Variants in ARHGAP20 observed in about 807,000 individuals in gnomAD.
The protein encoded by ARHGAP20 is rho GTPase-activating protein 20.
A neutral mutation model predicts 73.7 loss-of-function variants in ARHGAP20; 34 were observed. The ratio of observed to expected loss-of-function variants is 0.46; its 90% CI spans 0.35 to 0.61. The LOEUF is 0.61. ARHGAP20 is among the 20% of genes least tolerant of loss of function. The probability of loss-of-function intolerance (pLI) is 0.00; values close to 1 mark genes in which losing one functional copy is unlikely to be tolerated. For synonymous variants in ARHGAP20, 523 were observed against 518.2 expected, an observed-to-expected ratio of 1.01 and a Z score of -0.13; for missense variants, 1,314 against 1,420.9, an observed-to-expected ratio of 0.92 and a Z score of 1.21.
chr11:110,647,534 A>C (rs922152892), intron 2 of ARHGAP20, among the ~76,000 whole-genome samples: 1 of 152,156 alleles, frequency 6.6e-6, no homozygotes, highest in Admixed American at 6.6e-5. Context: ...CAATTCTGGT[A>C]GGCATCCATG....
chr11:110,658,793 C>T (rs867692662), intron 2 of ARHGAP20, among the ~76,000 whole-genome samples: 2 of 108,840 alleles, frequency 1.8e-5, no homozygotes, highest in South Asian at 6.6e-4. Flanking sequence ...GTTTTGTTTT[C>T]ATGTCTTCGG....
At chr11:110,600,860 C>A (rs993624221) in intron 9 of ARHGAP20, among the ~76,000 whole-genome samples, 1 of 152,156 alleles carries the variant, frequency 6.6e-6, no homozygotes, top group Non-Finnish European at 1.5e-5. Flanking sequence ...CAGAGGGGGC[C>A]TTCTGAAAGA....
At chr11:110,585,529 A>G (rs12278067) in intron 12 of ARHGAP20, among the ~76,000 whole-genome samples, 71,502 of 152,008 alleles carry the variant, frequency 0.47, 18,586 homozygotes, top group Middle Eastern at 0.62. Flanking sequence ...GCAAGTAAAT[A>G]ATATTGAGAT....
At chr11:110,627,464 ATCC>A (rs1233583211) in intron 3 of ARHGAP20, among the ~76,000 whole-genome samples, 1 of 152,104 alleles carries the variant, frequency 6.6e-6, no homozygotes, top group Admixed American at 6.6e-5. Flanking sequence ...TTGATTTCCT[ATCC>A]TCCTATCTTC....
At chr11:110,593,007 G>C (rs1947866622) in intron 9 of ARHGAP20, among the ~76,000 whole-genome samples, 1 of 152,138 alleles carries the variant, frequency 6.6e-6, no homozygotes, top group Non-Finnish European at 1.5e-5. Context: ...AGTACTAAAA[G>C]CATTCAGAGG....
intron 2 of ARHGAP20, among the ~76,000 whole-genome samples, chr11:110,672,591 T>C (rs1025027340): frequency 2.6e-5 from 4 of 152,050 alleles, no homozygotes; most frequent in African/African-American, 9.7e-5. Flanking sequence ...ACTACAAGCA[T>C]GCACCACCAC....
chr11:110,624,338 C>A, intron 3 of ARHGAP20, 27 bp from the exon 4 acceptor site: 10 of 1,492,642 alleles, frequency 6.7e-6, no homozygotes, highest in Non-Finnish European at 8.9e-6. Context: ...CAAACAGAAC[C>A]TTTTGTTATT....
At chr11:110,612,184 C>T (rs1206939342) in intron 6 of ARHGAP20, among the ~76,000 whole-genome samples, 1 of 151,722 alleles carries the variant, frequency 6.6e-6, no homozygotes. Context: ...TTTGGGAGGC[C>T]GAGGTGGGCG....
intron 2 of ARHGAP20, among the ~76,000 whole-genome samples, chr11:110,641,772 A>G (rs905590273): frequency 5.3e-5 from 8 of 152,046 alleles, no homozygotes; most frequent in Non-Finnish European, 8.8e-5. Flanking sequence ...AATCAATAGA[A>G]ACAGATCCCA....
rs780115342 is a variant in ARHGAP20, at chr11:110,580,938, G to C, written c.2008C>G (p.Leu670Val). ...GATGGGGCCCTGGCATGATCCCGCA[G>C]TGGGATCTTTGTGTACACTAAAATG... ...VNILVYTKIP[L>V]RDHARAPSAM... The change falls in exon 15 of 15, where the codon CTG becomes GTG. Residue 670 changes from leucine (L) to valine (V), a missense_variant. This residue lies in a region of ARHGAP20 where 641 missense variants were observed against 636.9 expected (regional missense o/e 1.01). Transcript: ENST00000683387. 1.2e-6 allele frequency: 2 copies of C among 1,614,134 alleles called. No individual in the cohort carries two copies. The highest frequency in any genetic ancestry group is 4.5e-5 in the East Asian group (2 of 44,874).
chr11:110,660,054 T>TAAAAAAAAA (rs1167649739), intron 2 of ARHGAP20, among the ~76,000 whole-genome samples: 1 of 47,266 alleles, frequency 2.1e-5, no homozygotes, highest in Non-Finnish European at 4.2e-5. Context: ...TAAAGTATAA[T>TAAAAAAAAA]AAAAAACAAA....
chr11:110,659,013 T>C (rs970343224), intron 2 of ARHGAP20, among the ~76,000 whole-genome samples: 1 of 151,966 alleles, frequency 6.6e-6, no homozygotes, highest in African/African-American at 2.4e-5. Flanking sequence ...AATGCCGCAA[T>C]AAACATACGT....
intron 11 of ARHGAP20, chr11:110,589,736 G>A: frequency 2.1e-6 from 2 of 974,940 alleles, no homozygotes; most frequent in Non-Finnish European, 2.4e-6. Context: ...AAGTAACAAT[G>A]GGTAAAGTGT....
Position 110,590,634 on chromosome 11 carries a change from A to T in ARHGAP20, c.1305+14T>A. On this transcript the variant is annotated intron_variant, in intron 11 of 14. Transcript: ENST00000683387. ...GCTACACCATGGGGTGGATAAAGGG[A>T]TGACTCTTCTTACCTTTAAGACAGA... 1 of 1,608,738 alleles carries T rather than the reference A, an allele frequency of 6.2e-7. No homozygotes were observed. Among genetic ancestry groups the T allele is most frequent in the Non-Finnish European group, 8.5e-7 (1 of 1,177,770 alleles).
At chr11:110,643,375 G>A (rs1237883824) in intron 2 of ARHGAP20, among the ~76,000 whole-genome samples, 1 of 151,904 alleles carries the variant, frequency 6.6e-6, no homozygotes, top group Non-Finnish European at 1.5e-5. Context: ...GTTAATTTGA[G>A]CTCTTCCTTC....
intron 4 of ARHGAP20, among the ~76,000 whole-genome samples, chr11:110,618,011 G>C (rs556183607): frequency 1.8e-4 from 27 of 152,144 alleles, no homozygotes; most frequent in Non-Finnish European, 2.9e-4. Context: ...AAAGAACCCA[G>C]AGGAAATGGT....
intron 2 of ARHGAP20, among the ~76,000 whole-genome samples, chr11:110,669,862 A>T (rs1949794546): frequency 6.6e-6 from 1 of 152,282 alleles, no homozygotes; most frequent in Non-Finnish European, 1.5e-5. Context: ...CTTGTACATG[A>T]CTGTACAAAG....
intron 2 of ARHGAP20, among the ~76,000 whole-genome samples, chr11:110,653,535 C>A: frequency 6.6e-6 from 1 of 152,128 alleles, no homozygotes; most frequent in East Asian, 1.9e-4. Flanking sequence ...CCATCTCATG[C>A]CAGTCAGAAC....
At chr11:110,629,281 T>C (rs939737984) in intron 3 of ARHGAP20, among the ~76,000 whole-genome samples, 2 of 152,178 alleles carry the variant, frequency 1.3e-5, no homozygotes, top group African/African-American at 4.8e-5. Context: ...TTTCTTAGTA[T>C]ATAACAAACC....
Sources: gnomAD v4.1 joint callset for allele counts (sites outside exome capture counted in the v4.1 genomes callset) on GRCh38, gnomAD v4.1.1 for gene constraint, gnomAD v4.1.1 regional missense constraint, MANE v1.5 for transcripts, NCBI Gene and HGNC (gene_info 2026-07-23, HGNC 2026-07-21) for gene names.